GCSAML: variants seen among roughly 807,000 people sequenced by gnomAD.
GCSAML encodes the protein germinal center associated signaling and motility like.
Under a neutral mutation model 13.0 loss-of-function variants are expected in GCSAML, and 9 were observed. The observed-to-expected ratio is 0.69, with a 90% confidence interval of 0.42 to 1.21. GCSAML has a LOEUF of 1.21. GCSAML is among the 50% of genes most tolerant of loss of function. The pLI is 0.00. For synonymous variants in GCSAML, 37 were observed against 52.9 expected (o/e 0.70, Z 1.31); for missense variants, 143 against 153.4 (o/e 0.93, Z 0.36).
At chr1:247,532,302 C>T in intron 2 of GCSAML, 1 of 1,614,138 alleles carries the variant, frequency 6.2e-7, no homozygotes, top group Non-Finnish European at 8.5e-7. Flanking sequence ...AGCTCATGTC[C>T]AGGAAGGGGA....
At chr1:247,557,234 T>A (rs1329210161) in intron 2 of GCSAML, among the ~76,000 whole-genome samples, 1 of 152,238 alleles carries the variant, frequency 6.6e-6, no homozygotes, top group Non-Finnish European at 1.5e-5. Context: ...CTTGTAACTC[T>A]ATATGTCGTT....
intron 1 of GCSAML, among the ~76,000 whole-genome samples, chr1:247,514,805 G>A (rs1666157966): frequency 6.6e-6 from 1 of 152,056 alleles, no homozygotes; most frequent in Non-Finnish European, 1.5e-5. Flanking sequence ...TCTTTATTCT[G>A]TTCCATTGGT....
intron 1 of GCSAML, among the ~76,000 whole-genome samples, chr1:247,520,952 T>C (rs1264456963): frequency 2.0e-5 from 3 of 152,240 alleles, no homozygotes; most frequent in South Asian, 2.1e-4. Context: ...CTCTGTCTTA[T>C]AGTTTTAGTA....
At chr1:247,515,973 G>T (rs1313014005) in intron 1 of GCSAML, among the ~76,000 whole-genome samples, 1 of 152,176 alleles carries the variant, frequency 6.6e-6, no homozygotes, top group African/African-American at 2.4e-5. Context: ...TTGGTTGAGG[G>T]GGGAGGAGAC....
intron 2 of GCSAML, chr1:247,528,049 G>C (rs955145592): frequency 6.6e-6 from 1 of 151,910 alleles, no homozygotes; most frequent in Non-Finnish European, 1.5e-5. Flanking sequence ...TCCCCCATTT[G>C]TTTCTGTTTC....
intron 2 of GCSAML, chr1:247,538,603 T>C (rs543784400): frequency 2.7e-6 from 1 of 371,788 alleles, no homozygotes; most frequent in South Asian, 2.0e-5. Context: ...GGAATACTTA[T>C]AAAAAGAGTA....
At chr1:247,552,992 G>A (rs916953344) in intron 1 of GCSAML, among the ~76,000 whole-genome samples, 2 of 152,164 alleles carry the variant, frequency 1.3e-5, no homozygotes, top group African/African-American at 2.4e-5. Context: ...CTGACCTTGT[G>A]ATCTACCTGC....
chr1:247,566,028 C>T (rs1015475872), intron 4 of GCSAML, 69 bp downstream of exon 4: 2 of 1,046,546 alleles, frequency 1.9e-6, no homozygotes, highest in Admixed American at 2.9e-5. Flanking sequence ...TGATAAATGC[C>T]AAAATACAGA....
rs1479589423 is a variant in GCSAML at position 247,575,752 on chromosome 1, C to T, written c.*1370C>T. 2.0e-5 allele frequency: 3 copies of T among 152,178 alleles called. No homozygotes were observed. The highest frequency in any genetic ancestry group is 4.4e-5 in the Non-Finnish European group (3 of 68,032). The allele number at this position is 152,178 out of a possible 1,614,324, so 9.4% of individuals were successfully genotyped here. A position where few individuals can be genotyped will look rare whatever the true frequency, so the allele number is the denominator to read the frequency against. On this transcript the variant is annotated 3_prime_UTR_variant, in exon 5 of 5. Coordinates refer to ENST00000366488, the MANE Select transcript of GCSAML (RefSeq NM_145278.5). ...TAAACTTGTGCTTATATTTTGTTTG[C>T]AACACACTAGTTAATTTAACCTGTG...
intron 1 of GCSAML, 48 bp from the exon 2 acceptor site, chr1:247,556,359 G>A (rs899454395): frequency 8.3e-6 from 11 of 1,327,758 alleles, no homozygotes; most frequent in South Asian, 1.2e-5. Context: ...GTGAAAAAAT[G>A]TGGAGGGCAG....
At chr1:247,523,569 A>G (rs12071797) in intron 1 of GCSAML, among the ~76,000 whole-genome samples, 28,664 of 152,072 alleles carry the variant, frequency 0.19, 2,864 homozygotes, top group African/African-American at 0.23. Flanking sequence ...TCCACATGGA[A>G]GTCTTGGTCC....
At chr1:247,513,595 C>T (rs181386695) in intron 1 of GCSAML, among the ~76,000 whole-genome samples, 11 of 152,344 alleles carry the variant, frequency 7.2e-5, no homozygotes, top group Non-Finnish European at 1.3e-4. Context: ...TCTGCCCAAA[C>T]GGCCATCCAG....
intron 2 of GCSAML, among the ~76,000 whole-genome samples, chr1:247,562,230 G>A (rs552146773): frequency 6.6e-6 from 1 of 152,166 alleles, no homozygotes; most frequent in Admixed American, 6.5e-5. Flanking sequence ...ATGGAGCCAT[G>A]AGTAAGGAAC....
At position 247,575,369 on chromosome 1, in the gene GCSAML, T is replaced by G. The variant is rs1417770924; in HGVS notation, c.*987T>G. On this transcript the variant is annotated 3_prime_UTR_variant, in exon 5 of 5. Coordinates refer to ENST00000366488, the MANE Select transcript of GCSAML (RefSeq NM_145278.5). Reference sequence around the variant, plus strand: ...TCCACAAATATATGTCCAAGAATCTTCAATTCCAAGCCTGCTCACCAAATT... The same window carrying G: ...TCCACAAATATATGTCCAAGAATCTGCAATTCCAAGCCTGCTCACCAAATT... 6.6e-6 allele frequency: 1 copy of G among 152,148 alleles called. No individual in the cohort carries two copies. The highest frequency in any genetic ancestry group is 1.5e-5 in the Non-Finnish European group (1 of 68,028). The allele number at this position is 152,148 out of a possible 1,614,324, so 9.4% of individuals were successfully genotyped here. A position where few individuals can be genotyped will look rare whatever the true frequency, so the allele number is the denominator to read the frequency against.
chr1:247,575,454 A>G lies in GCSAML; in HGVS notation c.*1072A>G, dbSNP rs1217674752. On this transcript the variant is annotated 3_prime_UTR_variant, in exon 5 of 5. Coordinates refer to ENST00000366488, the MANE Select transcript of GCSAML (RefSeq NM_145278.5). Reference sequence around the variant, plus strand: ...TTCATCTTTGAGGTGTAATCTACTCAATAAACTGTGTAAGACCAGTGACCA... The same window carrying G: ...TTCATCTTTGAGGTGTAATCTACTCGATAAACTGTGTAAGACCAGTGACCA... 6.6e-6 allele frequency: 1 copy of G among 152,184 alleles called. No individual in the cohort carries two copies. Among genetic ancestry groups the G allele is most frequent in the African/African-American group, 2.4e-5 (1 of 41,450 alleles). The allele number at this position is 152,184 out of a possible 1,614,324, so 9.4% of individuals were successfully genotyped here.
At chr1:247,517,816 C>T (rs1488746574) in intron 1 of GCSAML, among the ~76,000 whole-genome samples, 1 of 152,190 alleles carries the variant, frequency 6.6e-6, no homozygotes. Context: ...ATTTTCTAAT[C>T]ACTGCAGCCT....
chr1:247,545,794 C>T (rs1051299046), upstream of GCSAML, among the ~76,000 whole-genome samples: 1 of 152,092 alleles, frequency 6.6e-6, no homozygotes, highest in Non-Finnish European at 1.5e-5. Flanking sequence ...GGTAATTAAC[C>T]CCTTATTAAA....
chr1:247,551,697 G>A (rs1036556144), intron 1 of GCSAML, among the ~76,000 whole-genome samples: 2 of 152,182 alleles, frequency 1.3e-5, no homozygotes, highest in Non-Finnish European at 2.9e-5. Context: ...ATTGATCATC[G>A]TTTTATGTGA....
intron 4 of GCSAML, among the ~76,000 whole-genome samples, chr1:247,566,524 T>C (rs1178822117): frequency 6.6e-6 from 1 of 152,206 alleles, no homozygotes; most frequent in Non-Finnish European, 1.5e-5. Context: ...GTAACAGGCA[T>C]TAGTCACTGT....
Sources: allele counts gnomAD v4.1 joint callset (sites outside exome capture counted in the v4.1 genomes callset), GRCh38; gene constraint gnomAD v4.1.1; transcripts MANE v1.5; gene names NCBI Gene and HGNC (gene_info 2026-07-23, HGNC 2026-07-21).